The following MDN1 variants were observed in gnomAD, a reference collection of about 807,000 sequenced individuals.
MDN1 encodes the protein midasin AAA ATPase 1.
Under a neutral mutation model 669.2 loss-of-function variants are expected in MDN1, and 266 were observed. The observed-to-expected ratio is 0.40, with a 90% CI of 0.36 to 0.44. The LOEUF (loss-of-function observed/expected upper bound fraction) is 0.44, where lower values mean the gene tolerates loss of function less well. Ranked by LOEUF, MDN1 falls within the 20% of genes least tolerant of loss-of-function variation. The pLI, the probability that MDN1 is intolerant of heterozygous loss-of-function variation, is 1.00. For missense variants in MDN1, 5,940 were observed against 6,754.0 expected, an observed-to-expected ratio of 0.88 and a Z score of 4.22; for synonymous variants, 2,385 against 2,457.1, an observed-to-expected ratio of 0.97 and a Z score of 0.87.
Position 89,723,606 on chromosome 6 carries a change from G to A in MDN1, c.5684C>T (p.Pro1895Leu). 1.3e-6 allele frequency: 2 copies of A among 1,567,514 alleles called. No homozygotes were observed. Among genetic ancestry groups the A allele is most frequent in the South Asian group, 1.2e-5 (1 of 83,312 alleles). ...GAACTCCATGTCAATTACTGTAAGG[G>A]GATCAACGAAGACCTAGAAATCCAA... ...LNRFTQVFVD[P>L]LTVIDMEFIA... The change falls in exon 39 of 102, where the codon CCC becomes CTC. Residue 1895 changes from proline (P) to leucine (L), a missense_variant. Physicochemically the swap from Pro to Leu is moderately conservative, Grantham distance 98. Around this residue, in one of 5 missense-constraint regions of MDN1, gnomAD observed 2,292 missense variants for 2,638.3 expected, o/e 0.87. Transcript: ENST00000369393.
intron 5 of MDN1, among the ~76,000 whole-genome samples, chr6:89,792,280 C>T (rs1054598160): frequency 4.6e-5 from 7 of 152,098 alleles, no homozygotes; most frequent in African/African-American, 1.2e-4. Context: ...CCTAAAAATA[C>T]GTGAGGATTA....
intron 2 of MDN1, 72 bp from the exon 3 acceptor site, chr6:89,794,873 G>T: frequency 8.4e-7 from 1 of 1,188,752 alleles, no homozygotes; most frequent in Non-Finnish European, 1.2e-6. Flanking sequence ...TTTGTAATAG[G>T]TTTATCAGAG....
chr6:89,805,343 A>T (rs1179440226), intron 1 of MDN1, among the ~76,000 whole-genome samples: 2 of 152,082 alleles, frequency 1.3e-5, no homozygotes, highest in African/African-American at 4.8e-5. Context: ...CGAGTTCAAG[A>T]CCAGCCTGGA....
rs1056335238 is a variant in MDN1, at chr6:89,819,589, C to G, written c.19G>C (p.Glu7Gln). The G allele has an allele frequency of 2.5e-6, 4 of 1,602,062 alleles. No individual in the cohort carries two copies. The highest frequency in any genetic ancestry group is 2.5e-6 in the Non-Finnish European group (3 of 1,179,940). The change falls in exon 1 of 102, where the codon GAG becomes CAG. Residue 7 changes from glutamate to glutamine, a missense_variant. Around this residue, in one of 5 missense-constraint regions of MDN1, gnomAD observed 1,203 missense variants for 1,268.9 expected, o/e 0.95. Coordinates refer to ENST00000369393, the MANE Select transcript of MDN1 (RefSeq NM_014611.3). MEHFLL[E>Q]VAAAPLRLIA... ...AACCGCAGCGGCGCGGCTGCCACCTCCAGCAAGAAGTGCTCCATGACCCAG... is the reference window on the plus strand; with the variant it reads ...AACCGCAGCGGCGCGGCTGCCACCTGCAGCAAGAAGTGCTCCATGACCCAG...
At chr6:89,664,021 A>G (rs1810008246) in intron 85 of MDN1, among the ~76,000 whole-genome samples, 1 of 152,048 alleles carries the variant, frequency 6.6e-6, no homozygotes, top group South Asian at 2.1e-4. Context: ...CATGCAATAA[A>G]TGGAAAGAAA....
Position 89,674,144 on chromosome 6 carries a change from T to G in MDN1, c.13207A>C (p.Lys4403Gln). Residue 4403 changes from lysine to glutamine, a missense_variant, in exon 79 of 102, where the codon AAA becomes CAA. Transcript: ENST00000369393. ...GTCTCACAAGACTGCTGTCTAATTT[T>G]GTCGACGTCAGCTTTCACTGTTTTA... is the stretch of plus-strand genomic sequence containing the variant. ...TIKTVKADVD[K>Q]IRQQSCETLF... 2.5e-6 allele frequency: 4 copies of G among 1,614,206 alleles called. No homozygotes were observed. The highest frequency in any genetic ancestry group is 2.5e-6 in the Non-Finnish European group (3 of 1,180,018).
Position 89,758,339 on chromosome 6 carries a change from C to T in MDN1, c.2618G>A (p.Arg873Gln), listed in dbSNP as rs750482238. 5.0e-6 allele frequency: 8 copies of T among 1,608,534 alleles called. No individual in the cohort carries two copies. Among genetic ancestry groups the T allele is most frequent in the Non-Finnish European group, 5.9e-6 (7 of 1,176,910 alleles). ...LDRGDTEPLV[R>Q]HPDFRLFACM... ...GGCAAATAAACGGAAGTCAGGATGC[C>T]GAACCAGTGGCTCTGTTAAGAGAAA... The change falls in exon 19 of 102, where the codon CGG becomes CAG. Residue 873 changes from arginine (R) to glutamine (Q), a missense_variant. Coordinates refer to ENST00000369393, the MANE Select transcript of MDN1 (RefSeq NM_014611.3).
intron 8 of MDN1, among the ~76,000 whole-genome samples, chr6:89,786,487 G>C (rs929266147): frequency 6.6e-6 from 1 of 151,702 alleles, no homozygotes; most frequent in South Asian, 2.1e-4. Context: ...TACCCCTGTA[G>C]TCCTAGCTAC....
rs762652554 is a variant in MDN1, at chr6:89,708,501, T to C, written c.7893A>G (p.Ala2631=). Residue 2631 remains alanine (A), a synonymous_variant, in exon 51 of 102, where the codon GCA becomes GCG. Coordinates refer to ENST00000369393, the MANE Select transcript of MDN1 (RefSeq NM_014611.3). ...GAGCAGCAGGTTTCACTTACTTGTTTGCAGCTGATTCTAAAAGGGCAAAGA... is the reference window on the plus strand; with the variant it reads ...GAGCAGCAGGTTTCACTTACTTGTTCGCAGCTGATTCTAAAAGGGCAAAGA... ...DQLFALLESA[A]NKTIIYLDRE... is the part of the protein sequence containing the mutation. 2 of 1,613,858 alleles carry C rather than the reference T, an allele frequency of 1.2e-6. No homozygotes were observed. The highest frequency in any genetic ancestry group is 1.7e-6 in the Non-Finnish European group (2 of 1,179,956).
intron 8 of MDN1, among the ~76,000 whole-genome samples, chr6:89,787,077 G>GAAA (rs35019952): frequency 6.2e-5 from 9 of 145,000 alleles, no homozygotes; most frequent in South Asian, 2.2e-4. Flanking sequence ...CCCATTTCAA[G>GAAA]AAAAAAAAAA....
In MDN1 at chr6:89,745,567, C is replaced by T. The variant is rs764734386; in HGVS notation, c.3964G>A (p.Val1322Ile). Residue 1322 changes from valine (V) to isoleucine (I), a missense_variant, in exon 28 of 102, where the codon GTC becomes ATC. Val to Ile is a conservative substitution (Grantham distance 29). This residue lies in a region of MDN1 where 2,292 missense variants were observed against 2,638.3 expected (regional missense o/e 0.87). Transcript: ENST00000369393. Reference protein sequence around the residue: ...KQEEIDVIQEVLEKHFKKKLC... With the variant: ...KQEEIDVIQEILEKHFKKKLC... ...TTTTTCTTGAAATGTTTCTCAAGGA[C>T]TTCTTGAATCACATCAATTTCCTCC... is the stretch of plus-strand genomic sequence containing the variant. 1 of 1,614,022 alleles carries T rather than the reference C, an allele frequency of 6.2e-7. No individual in the cohort carries two copies. The highest frequency in any genetic ancestry group is 1.3e-5 in the African/African-American group (1 of 74,920).
intron 92 of MDN1, 43 bp downstream of exon 92, chr6:89,655,721 G>A (rs1562039945): frequency 4.6e-6 from 7 of 1,534,462 alleles, no homozygotes; most frequent in Non-Finnish European, 5.3e-6. Context: ...AGCTCTCATA[G>A]AGAGCTCAGT....
intron 1 of MDN1, among the ~76,000 whole-genome samples, chr6:89,817,457 CT>C (rs1475928036): frequency 1.3e-5 from 2 of 152,150 alleles, no homozygotes; most frequent in African/African-American, 4.8e-5. Flanking sequence ...CAATCAACTA[CT>C]GAGAATCAGT....
intron 37 of MDN1, 119 bp downstream of exon 37, chr6:89,727,714 G>C (rs1815328841): frequency 4.7e-6 from 7 of 1,497,874 alleles, no homozygotes; most frequent in South Asian, 1.2e-5. Context: ...CTTTTCATTA[G>C]AGAAAAGTCA....
chr6:89,727,046 C>T (rs778125451), intron 37 of MDN1, among the ~76,000 whole-genome samples: 3 of 152,050 alleles, frequency 2.0e-5, no homozygotes, highest in Non-Finnish European at 4.4e-5. Context: ...TTCTCTTTTC[C>T]TGGCTAATAT....
intron 74 of MDN1, 63 bp downstream of exon 74, chr6:89,680,526 A>C (rs1185454098): frequency 1.3e-6 from 2 of 1,566,784 alleles, no homozygotes; most frequent in Non-Finnish European, 1.7e-6. Context: ...CCACATTCTC[A>C]GCCCTCCTGC....
In MDN1 at chr6:89,684,155, C is replaced by T. The variant is rs528874250; in HGVS notation, c.11830-251G>A. Among the ~76,000 whole-genome samples, 314 of 152,048 alleles carry T rather than the reference C, an allele frequency of 2.1e-3. 3 individuals are homozygous for T. Among genetic ancestry groups the T allele is most frequent in the Non-Finnish European group, 3.5e-3 (238 of 67,998 alleles). ...GTAAGGAGATTGAGACCATCCTGGCCAACATGGTGAAACCCCGTCTCTACT... is the reference window on the plus strand; with the variant it reads ...GTAAGGAGATTGAGACCATCCTGGCTAACATGGTGAAACCCCGTCTCTACT... On this transcript the variant is annotated intron_variant, in intron 71 of 101. Coordinates refer to ENST00000369393, the MANE Select transcript of MDN1 (RefSeq NM_014611.3).
intron 2 of MDN1, among the ~76,000 whole-genome samples, chr6:89,799,763 A>T (rs1767509020): frequency 6.6e-6 from 1 of 152,248 alleles, no homozygotes; most frequent in Admixed American, 6.5e-5. Context: ...GTGTATACAC[A>T]TTTTTAAGAA....
intron 35 of MDN1, 46 bp from the exon 36 acceptor site, chr6:89,729,185 A>G: frequency 2.0e-6 from 3 of 1,478,322 alleles, no homozygotes; most frequent in Non-Finnish European, 2.8e-6. Flanking sequence ...GACATCATCA[A>G]ATCACATGTA....
Sources: gnomAD v4.1 joint callset for allele counts (sites outside exome capture counted in the v4.1 genomes callset) on GRCh38, gnomAD v4.1.1 for gene constraint, gnomAD v4.1.1 regional missense constraint, MANE v1.5 for transcripts, NCBI Gene and HGNC (gene_info 2026-07-23, HGNC 2026-07-21) for gene names.